HEATR1: variants seen among roughly 807,000 people sequenced by gnomAD.
HEATR1 encodes the protein HEAT repeat-containing protein 1.
In HEATR1, 77 loss-of-function variants were observed where a neutral mutation model predicts 248.2. The ratio of observed to expected loss-of-function variants is 0.31; its 90% CI spans 0.26 to 0.37. The LOEUF (loss-of-function observed/expected upper bound fraction) is 0.37. HEATR1 is among the 10% of genes least tolerant of loss of function. HEATR1 has a pLI of 1.00. For missense variants in HEATR1, 2,420 were observed against 2,504.9 expected, an observed-to-expected ratio of 0.97 and a Z score of 0.72; for synonymous variants, 897 against 923.1, an observed-to-expected ratio of 0.97 and a Z score of 0.51.
Position 236,566,586 on chromosome 1 carries a change from T to C in HEATR1, c.4308+60A>G, listed in dbSNP as rs867869114. On this transcript the variant is annotated intron_variant, in intron 30 of 44. Coordinates refer to ENST00000366582, the MANE Select transcript of HEATR1 (RefSeq NM_018072.6). Reference sequence around the variant, plus strand: ...TCAGCCCCATGTTTAAACTGGACAATATCATAAAATCTGTGTGAGAAATCA... The same window carrying C: ...TCAGCCCCATGTTTAAACTGGACAACATCATAAAATCTGTGTGAGAAATCA... The C allele has an allele frequency of 7.4e-6, 9 of 1,222,086 alleles. No homozygotes were observed. The Middle Eastern group carries it at 9.5e-4, about 129-fold the overall frequency. The allele number at this position is 1,222,086 out of a possible 1,614,324, so 75.7% of individuals were successfully genotyped here.
intron 16 of HEATR1, 103 bp downstream of exon 16, chr1:236,585,717 T>A: frequency 2.6e-6 from 3 of 1,155,084 alleles, no homozygotes; most frequent in Non-Finnish European, 3.7e-6. Context: ...TACTCAAGAA[T>A]AAAAGAAATT....
chr1:236,604,331 C>T, intron 1 of HEATR1, 91 bp downstream of exon 1: 1 of 407,462 alleles, frequency 2.5e-6, no homozygotes, highest in East Asian at 4.0e-5. Context: ...TTTCCTTCAA[C>T]CCTGATTCCG....
chr1:236,596,128 G>A, intron 6 of HEATR1, 84 bp from the exon 7 acceptor site: 1 of 1,024,882 alleles, frequency 9.8e-7, no homozygotes, highest in Non-Finnish European at 1.4e-6. Context: ...AATTAGAAAT[G>A]TCATAGAGAT....
intron 30 of HEATR1, 61 bp from the exon 31 acceptor site, chr1:236,566,106 A>G: frequency 1.3e-6 from 2 of 1,525,510 alleles, no homozygotes; most frequent in South Asian, 1.2e-5. Context: ...GCATAATTTC[A>G]GGATAATGTG....
chr1:236,584,252 C>T (rs1210396551), intron 17 of HEATR1, among the ~76,000 whole-genome samples: 1 of 152,060 alleles, frequency 6.6e-6, no homozygotes, highest in Non-Finnish European at 1.5e-5. Context: ...CAGTATAGTT[C>T]AGGTCATCAT....
Position 236,566,679 on chromosome 1 carries a change from T to G in HEATR1, c.4275A>C (p.Thr1425=), listed in dbSNP as rs766824521. Residue 1425 remains threonine (T), a synonymous_variant, in exon 30 of 45, where the codon ACA becomes ACC. Coordinates refer to ENST00000366582, the MANE Select transcript of HEATR1 (RefSeq NM_018072.6). ...LLILLFEQYV[T]KTVLAAAYGE... is the part of the protein sequence containing the mutation. ...CATAGGCAGCCGCCAGCACTGTTTT[T>G]GTGACATACTGTTCAAAAAGCAAGA... The G allele has an allele frequency of 2.5e-6, 4 of 1,613,968 alleles. No homozygotes were observed. The highest frequency in any genetic ancestry group is 3.4e-6 in the Non-Finnish European group (4 of 1,180,010).
intron 33 of HEATR1, among the ~76,000 whole-genome samples, chr1:236,560,554 A>T (rs1371710050): frequency 6.6e-6 from 1 of 152,174 alleles, no homozygotes; most frequent in Non-Finnish European, 1.5e-5. Context: ...TAGCGCTACA[A>T]GTCAGCCCAC....
chr1:236,574,591 T>C, intron 23 of HEATR1, 70 bp downstream of exon 23: 2 of 1,472,414 alleles, frequency 1.4e-6, no homozygotes, highest in Admixed American at 2.2e-5. Context: ...TTTTTAACGC[T>C]GTTCCTGTTG....
intron 31 of HEATR1, 86 bp from the exon 32 acceptor site, chr1:236,564,747 G>A (rs911756804): frequency 8.0e-7 from 1 of 1,251,438 alleles, no homozygotes; most frequent in African/African-American, 1.5e-5. Context: ...TTCAAGTAAA[G>A]GACAATTAAC....
At chr1:236,604,161 C>A (rs905317441) in intron 1 of HEATR1, 34 bp from the exon 2 acceptor site, 18 of 1,492,628 alleles carry the variant, frequency 1.2e-5, no homozygotes, top group Non-Finnish European at 1.4e-5. Context: ...TAAGTTTCTA[C>A]GAAATTATAA....
chr1:236,603,904 C>A, intron 2 of HEATR1, 50 bp downstream of exon 2: 2 of 1,565,528 alleles, frequency 1.3e-6, no homozygotes, highest in Non-Finnish European at 8.6e-7. Context: ...ACAGTAACAT[C>A]CAGAAAACAA....
At chr1:236,551,340 G>T in intron 44 of HEATR1, 1 of 226,032 alleles carries the variant, frequency 4.4e-6, no homozygotes, top group Non-Finnish European at 8.7e-6. Flanking sequence ...ATCAGTAAAG[G>T]ACTGATCTAC....
intron 30 of HEATR1, among the ~76,000 whole-genome samples, 163 bp downstream of exon 30, chr1:236,566,483 C>A (rs190057746): frequency 2.6e-5 from 4 of 152,162 alleles, no homozygotes; most frequent in Admixed American, 2.6e-4. Context: ...GCTCTGAATG[C>A]AATTTTTTAA....
chr1:236,597,200 A>T (rs1039938756), intron 5 of HEATR1, among the ~76,000 whole-genome samples: 7 of 151,912 alleles, frequency 4.6e-5, no homozygotes, highest in Non-Finnish European at 1.0e-4. Flanking sequence ...ATGAATACAC[A>T]ATGTGACAAC....
chr1:236,588,389 T>C (rs1024466831), intron 12 of HEATR1, among the ~76,000 whole-genome samples: 1 of 152,242 alleles, frequency 6.6e-6, no homozygotes, highest in Non-Finnish European at 1.5e-5. Context: ...ATTTAAATCC[T>C]AGCTCTACCA....
intron 3 of HEATR1, among the ~76,000 whole-genome samples, chr1:236,600,652 T>G (rs1379693702): frequency 6.6e-6 from 1 of 152,022 alleles, no homozygotes; most frequent in Non-Finnish European, 1.5e-5. Flanking sequence ...TGCCCTAGCC[T>G]CCCAAGTAGC....
At chr1:236,566,158 G>C (rs2564744) in intron 30 of HEATR1, 113 bp from the exon 31 acceptor site, 602,262 of 1,024,274 alleles carry the variant, frequency 0.59, 187,586 homozygotes, top group Non-Finnish European at 0.65. Context: ...ACTTTATTTA[G>C]AGTGGGTCGA....
intron 19 of HEATR1, among the ~76,000 whole-genome samples, chr1:236,581,831 G>A (rs936238022): frequency 6.6e-6 from 1 of 152,206 alleles, no homozygotes; most frequent in Non-Finnish European, 1.5e-5. Flanking sequence ...AACTTCACGT[G>A]TGCTAAATAA....
At chr1:236,599,654 A>G (rs764209251) in intron 3 of HEATR1, 30 bp from the exon 4 acceptor site, 1 of 1,566,518 alleles carries the variant, frequency 6.4e-7, no homozygotes, top group East Asian at 2.3e-5. Context: ...AGTCCAACTG[A>G]ACACAAAACT....
Sources: gnomAD v4.1 joint callset for allele counts (sites outside exome capture counted in the v4.1 genomes callset) on GRCh38, gnomAD v4.1.1 for gene constraint, MANE v1.5 for transcripts, NCBI Gene and HGNC (gene_info 2026-07-23, HGNC 2026-07-21) for gene names.